The following ADD2 variants were observed in gnomAD, a reference collection of about 807,000 sequenced individuals.
ADD2 encodes the protein adducin 2.
Under a neutral mutation model 83.0 loss-of-function variants are expected in ADD2, and 23 were observed. The ratio of observed to expected loss-of-function variants is 0.28; its 90% confidence interval spans 0.20 to 0.39. The LOEUF (loss-of-function observed/expected upper bound fraction) is 0.39, where lower values mean the gene tolerates loss of function less well. Among genes scored for constraint, ADD2 ranks in the 10% least tolerant of loss-of-function variants. ADD2 has a pLI of 1.00. For missense variants in ADD2, 758 were observed against 944.9 expected, an observed-to-expected ratio of 0.80 and a Z score of 2.59; for synonymous variants, 375 against 375.4, an observed-to-expected ratio of 1.00 and a Z score of 0.01.
chr2:70,740,629 G>T (rs1553380894), intron 1 of ADD2, among the ~76,000 whole-genome samples: 1 of 136,976 alleles, frequency 7.3e-6, no homozygotes, highest in African/African-American at 2.7e-5. Context: ...TTTTTGTGGG[G>T]ATTTTTTTGT....
At chr2:70,665,419 C>T (rs1239845237) in intron 15 of ADD2, among the ~76,000 whole-genome samples, 1 of 152,206 alleles carries the variant, frequency 6.6e-6, no homozygotes, top group Non-Finnish European at 1.5e-5. Flanking sequence ...CTGCCCAGCC[C>T]ATGTCCTGTC....
chr2:70,674,530 G>C (rs1553367811), intron 14 of ADD2, 148 bp downstream of exon 14: 3 of 855,522 alleles, frequency 3.5e-6, no homozygotes, highest in Non-Finnish European at 3.6e-6. Context: ...GTCAGGAACA[G>C]AGCAATGAAG....
intron 4 of ADD2, among the ~76,000 whole-genome samples, chr2:70,702,713 G>A (rs1378172114): frequency 2.9e-5 from 4 of 140,318 alleles, no homozygotes; most frequent in East Asian, 2.1e-4. Flanking sequence ...AAAAAAAAAA[G>A]CAATATATTT....
intron 15 of ADD2, among the ~76,000 whole-genome samples, chr2:70,666,890 G>C (rs1179690188): frequency 6.6e-6 from 1 of 152,202 alleles, no homozygotes; most frequent in Non-Finnish European, 1.5e-5. Context: ...AATGGAAAAT[G>C]GGGCTTGGAG....
intron 14 of ADD2, chr2:70,673,312 G>T (rs199710132): frequency 6.2e-7 from 1 of 1,614,030 alleles, no homozygotes; most frequent in Non-Finnish European, 8.5e-7. Context: ...CCTGGCTCTC[G>T]TTCCTGTCCT....
chr2:70,673,173 C>T (rs1304423928), intron 14 of ADD2, 167 bp from the exon 15 acceptor site: 3 of 1,584,576 alleles, frequency 1.9e-6, no homozygotes, highest in Non-Finnish European at 2.6e-6. Context: ...TCTTAGATTT[C>T]TGCTACTTCC....
chr2:70,697,148 C>T (rs1160629880), intron 4 of ADD2, among the ~76,000 whole-genome samples: 2 of 152,150 alleles, frequency 1.3e-5, no homozygotes, highest in African/African-American at 2.4e-5. Context: ...CTCCGTCCCC[C>T]ACACCCTCCC....
intron 4 of ADD2, 40 bp downstream of exon 4, chr2:70,704,281 C>CCCCCCCCCAGG: frequency 6.5e-7 from 1 of 1,546,782 alleles, no homozygotes; most frequent in Non-Finnish European, 8.8e-7. Flanking sequence ...CCACCCTCCC[C>CCCCCCCCCAGG]TCCACCTCTG....
chr2:70,713,093 G>C lies in ADD2; in HGVS notation c.-62C>G. On this transcript the variant is annotated 5_prime_UTR_variant, in exon 2 of 16. Coordinates refer to ENST00000264436, the MANE Select transcript of ADD2 (RefSeq NM_001617.4). ...GGAGGCTGGCCCAGCCCTGTCCAAG[G>C]CTCCTTCTGTTCACTGCTCAGTCTG... 1.0e-6 allele frequency: 1 copy of C among 985,508 alleles called. No individual in the cohort carries two copies. The highest frequency in any genetic ancestry group is 1.2e-6 in the Non-Finnish European group (1 of 830,066). 61.0% of individuals were successfully genotyped at this position (985,508 alleles called of 1,614,324 possible).
chr2:70,674,132 A>C (rs1352626089), intron 14 of ADD2, among the ~76,000 whole-genome samples: 1 of 152,150 alleles, frequency 6.6e-6, no homozygotes, highest in Non-Finnish European at 1.5e-5. Context: ...GGGGTTTGAG[A>C]GGAAGCCGGG....
At position 70,676,418 on chromosome 2, in the gene ADD2, C is replaced by A; in HGVS notation, c.1593+378G>T. ...TCATACCAGGCTCAGAGGTCAGAGA[C>A]TCTCAGGGCTGGGCACACCTGGGGC... On this transcript the variant is annotated intron_variant, in intron 13 of 15. Coordinates refer to ENST00000264436, the MANE Select transcript of ADD2 (RefSeq NM_001617.4). The surrounding 1 kb of genome is among the most constrained non-coding windows in gnomAD (Gnocchi z 4.8). The A allele has an allele frequency of 8.4e-7, 1 of 1,188,360 alleles. No individual in the cohort carries two copies. Among genetic ancestry groups the A allele is most frequent in the Non-Finnish European group, 1.0e-6 (1 of 956,010 alleles). The allele number at this position is 1,188,360 out of a possible 1,614,324, so 73.6% of individuals were successfully genotyped here. A position where few individuals can be genotyped will look rare whatever the true frequency, so the allele number is the denominator to read the frequency against.
intron 1 of ADD2, among the ~76,000 whole-genome samples, chr2:70,735,882 T>TTTTTTC (rs375014240): frequency 1.4e-5 from 2 of 140,628 alleles, no homozygotes; most frequent in Admixed American, 7.0e-5. Flanking sequence ...TTTTTTTTTT[T>TTTTTTC]AGTAAAGATG....
In ADD2 at chr2:70,667,245, G is replaced by C. The variant is rs72899638; in HGVS notation, c.1871-3510C>G. 9.5e-3 allele frequency among the ~76,000 whole-genome samples: 1,438 copies of C among 152,136 alleles called. 24 individuals carry two copies. Among genetic ancestry groups the C allele is most frequent in the African/African-American group, 0.033 (1,369 of 41,478 alleles). On this transcript the variant is annotated intron_variant, in intron 15 of 15. Coordinates refer to ENST00000264436, the MANE Select transcript of ADD2 (RefSeq NM_001617.4). The stretch of plus-strand genomic sequence containing the variant: ...GTGGGGCAGAAGCTGGAAAATGGGG[G>C]CTCTGTCCAAGGATGGTGACTGGAA...
In ADD2 at chr2:70,675,377, GC is replaced by G. The variant is rs139520790; in HGVS notation, c.1594-553del. The G allele has an allele frequency of 8.3e-4, 819 of 985,738 alleles. 4 individuals are homozygous for G. In the African/African-American group the frequency reaches 0.013, roughly 16 times the overall value. 61.1% of individuals were successfully genotyped at this position (985,738 alleles called of 1,614,324 possible). On this transcript the variant is annotated intron_variant, in intron 13 of 15. Coordinates refer to ENST00000264436, the MANE Select transcript of ADD2 (RefSeq NM_001617.4). The stretch of plus-strand genomic sequence containing the variant: ...ACACACAGTTGTAAGTGACAAAGGG[GC>G]CAAGGTTCCTGAGTCTCAGATCTTC...
intron 1 of ADD2, among the ~76,000 whole-genome samples, chr2:70,746,479 C>T (rs148131279): frequency 5.3e-5 from 8 of 152,226 alleles, no homozygotes; most frequent in African/African-American, 1.2e-4. Flanking sequence ...CCCTTTAGTC[C>T]CCACAATAAC....
rs1675462344 is a variant in ADD2 at position 70,659,242 on chromosome 2, A to G, written c.*4183T>C. 6.6e-6 allele frequency: 1 copy of G among 151,666 alleles called. No homozygotes were observed. Among genetic ancestry groups the G allele is most frequent in the African/African-American group, 2.4e-5 (1 of 41,328 alleles). 9.4% of individuals were successfully genotyped at this position (151,666 alleles called of 1,614,324 possible). ...GTGTGTTTACCCTCCACATACCTTC[A>G]TGGAAAAATTGAAAATTATTTTTAG... On this transcript the variant is annotated 3_prime_UTR_variant, in exon 16 of 16. Transcript: ENST00000264436.
chr2:70,722,548 G>C (rs2104441731), intron 1 of ADD2, among the ~76,000 whole-genome samples: 1 of 152,342 alleles, frequency 6.6e-6, no homozygotes, highest in South Asian at 2.1e-4. Flanking sequence ...TGAGGGCCTT[G>C]GGAGAGCCCC....
At chr2:70,733,106 C>T (rs1348487655) in intron 1 of ADD2, among the ~76,000 whole-genome samples, 1 of 152,196 alleles carries the variant, frequency 6.6e-6, no homozygotes, top group Non-Finnish European at 1.5e-5. Flanking sequence ...CACGTTTGAA[C>T]AAATTAGCTA....
At position 70,659,451 on chromosome 2, in the gene ADD2, G is replaced by A. The variant is rs1333801098; in HGVS notation, c.*3974C>T. On this transcript the variant is annotated 3_prime_UTR_variant, in exon 16 of 16. Transcript: ENST00000264436. ...TGACGGTATCATCCACAGGGAATGG[G>A]ATTCAAATTCAGTCTACATGGATCA... 6.6e-6 allele frequency: 1 copy of A among 152,196 alleles called. No homozygotes were observed. Among genetic ancestry groups the A allele is most frequent in the African/African-American group, 2.4e-5 (1 of 41,460 alleles). 9.4% of individuals were successfully genotyped at this position (152,196 alleles called of 1,614,324 possible).
Sources: allele counts gnomAD v4.1 joint callset (sites outside exome capture counted in the v4.1 genomes callset), GRCh38; gene constraint gnomAD v4.1.1; non-coding constraint Gnocchi (gnomAD v3.1); transcripts MANE v1.5; gene names NCBI Gene and HGNC (gene_info 2026-07-23, HGNC 2026-07-21).